Variants in CRACDL observed in about 807,000 individuals in gnomAD.
CRACDL encodes the protein CRACD-like protein.
CRACDL carries 26 observed loss-of-function variants against 70.6 expected under a neutral mutation model. The observed-to-expected ratio is 0.37, with a 90% confidence interval of 0.27 to 0.51. The LOEUF is 0.51. CRACDL is among the 20% of genes least tolerant of loss of function. The pLI is 0.94. For missense variants in CRACDL, 1,283 were observed against 1,376.9 expected (o/e 0.93, Z 1.08); for synonymous variants, 618 against 615.2 (o/e 1.00, Z -0.07).
At chr2:98,881,315 C>T (rs1399753610) in intron 1 of CRACDL, among the ~76,000 whole-genome samples, 3 of 152,154 alleles carry the variant, frequency 2.0e-5, no homozygotes, top group Non-Finnish European at 4.4e-5. Context: ...GTCGGAGATG[C>T]AGACACTCAG....
At chr2:98,827,800 C>T (rs1705371576) in intron 5 of CRACDL, among the ~76,000 whole-genome samples, 1 of 152,184 alleles carries the variant, frequency 6.6e-6, no homozygotes, top group Non-Finnish European at 1.5e-5. Flanking sequence ...TCTCAAAACA[C>T]ACCAGCCTGA....
intron 1 of CRACDL, among the ~76,000 whole-genome samples, chr2:98,910,609 A>G (rs1708524836): frequency 6.6e-6 from 1 of 152,136 alleles, no homozygotes; most frequent in Non-Finnish European, 1.5e-5. Flanking sequence ...ATCCCCCAAA[A>G]CCAGAGTCTG....
At chr2:98,855,155 C>G (rs908723583) in intron 1 of CRACDL, among the ~76,000 whole-genome samples, 1 of 152,078 alleles carries the variant, frequency 6.6e-6, no homozygotes, top group African/African-American at 2.4e-5. Flanking sequence ...TGGCGCATTC[C>G]TGTAATCCCA....
chr2:98,906,538 A>G (rs1708420186), intron 1 of CRACDL, among the ~76,000 whole-genome samples: 1 of 120,648 alleles, frequency 8.3e-6, no homozygotes, highest in African/African-American at 3.5e-5. Context: ...CTGGGATTAC[A>G]GGCGTGAGCC....
At chr2:98,903,611 G>A (rs1301421301) in intron 1 of CRACDL, among the ~76,000 whole-genome samples, 1 of 152,094 alleles carries the variant, frequency 6.6e-6, no homozygotes, top group African/African-American at 2.4e-5. Flanking sequence ...TTAAACTACT[G>A]CAAACACTTA....
chr2:98,880,801 G>A (rs1198849785), intron 1 of CRACDL, among the ~76,000 whole-genome samples: 1 of 152,198 alleles, frequency 6.6e-6, no homozygotes, highest in Non-Finnish European at 1.5e-5. Context: ...AGAGCCCCCA[G>A]CCGGGGGGCT....
chr2:98,826,912 G>GC (rs1431235837), intron 6 of CRACDL, 63 bp downstream of exon 6: 4 of 1,288,892 alleles, frequency 3.1e-6, no homozygotes, highest in African/African-American at 1.5e-5. Context: ...AGGTTGGGGG[G>GC]GGGCATAGGG....
intron 1 of CRACDL, among the ~76,000 whole-genome samples, chr2:98,915,269 C>T (rs549662688): frequency 3.3e-5 from 5 of 152,306 alleles, no homozygotes; most frequent in South Asian, 2.1e-4. Context: ...CCTTTCTACA[C>T]GGAACAGCAC....
intron 7 of CRACDL, among the ~76,000 whole-genome samples, chr2:98,818,694 A>G (rs1704897612): frequency 6.6e-6 from 1 of 152,232 alleles, no homozygotes; most frequent in East Asian, 1.9e-4. Flanking sequence ...GAGAATGATA[A>G]TAGTAGAAGT....
At chr2:98,877,256 C>A (rs1363848196) in intron 1 of CRACDL, among the ~76,000 whole-genome samples, 1 of 152,176 alleles carries the variant, frequency 6.6e-6, no homozygotes, top group African/African-American at 2.4e-5. Context: ...CAGTCATTTC[C>A]CTCTCTGGGC....
In CRACDL at chr2:98,827,187, C is replaced by T. The variant is rs753616163; in HGVS notation, c.541-18G>A. 6.3e-7 allele frequency: 1 copy of T among 1,590,122 alleles called. No homozygotes were observed. Among genetic ancestry groups the T allele is most frequent in the Non-Finnish European group, 8.6e-7 (1 of 1,159,144 alleles). On this transcript the variant is annotated intron_variant, in intron 5 of 9. Transcript: ENST00000397899. The stretch of plus-strand genomic sequence containing the variant: ...ACAGAGACCTTCGTGGGACAAGGAA[C>T]AAACACACGGAGCATGAACTTCACC...
intron 1 of CRACDL, among the ~76,000 whole-genome samples, chr2:98,914,792 C>T (rs1708629364): frequency 6.6e-6 from 1 of 152,198 alleles, no homozygotes. Flanking sequence ...GGCACAGGTC[C>T]ACTAGCACTC....
intron 1 of CRACDL, among the ~76,000 whole-genome samples, chr2:98,855,079 A>G (rs1484035938): frequency 6.6e-6 from 1 of 152,250 alleles, no homozygotes; most frequent in Non-Finnish European, 1.5e-5. Flanking sequence ...CACGAGTTCA[A>G]GACCAGCCTG....
intron 1 of CRACDL, among the ~76,000 whole-genome samples, chr2:98,927,442 G>A (rs912795752): frequency 5.3e-5 from 8 of 151,570 alleles, no homozygotes; most frequent in African/African-American, 1.9e-4. Flanking sequence ...TGAATTCTGA[G>A]TAACACAGAT....
At chr2:98,888,370 C>T (rs1707851364) in intron 1 of CRACDL, among the ~76,000 whole-genome samples, 1 of 151,978 alleles carries the variant, frequency 6.6e-6, no homozygotes, top group Non-Finnish European at 1.5e-5. Context: ...AACAACAGCA[C>T]AGAAAAGGGA....
intron 1 of CRACDL, among the ~76,000 whole-genome samples, chr2:98,932,507 G>C (rs1558645825): frequency 1.3e-5 from 2 of 152,150 alleles, no homozygotes; most frequent in Admixed American, 6.5e-5. Flanking sequence ...AAGCACACAG[G>C]GGGTTGCTCT....
chr2:98,854,279 C>CAAAAA (rs1229198569), intron 1 of CRACDL, among the ~76,000 whole-genome samples: 44 of 53,612 alleles, frequency 8.2e-4, no homozygotes, highest in Non-Finnish European at 1.2e-3. Context: ...GACTCTGTCT[C>CAAAAA]AAAAAAAAAA....
Position 98,822,122 on chromosome 2 carries a change from C to G in CRACDL, c.2151G>C (p.Arg717Ser), listed in dbSNP as rs1044574093. ...KRYSAEVRLE[R>S]SLTVLPKEEK... ...CCTCCTTCGGGAGCACGGTCAGCGA[C>G]CTTTCTAACCGGACCTCGGCACTGT... is the stretch of plus-strand genomic sequence containing the variant. Residue 717 changes from arginine to serine, a missense_variant, in exon 7 of 10, where the codon AGG (arginine) becomes AGC (serine). Transcript: ENST00000397899. This position sits in a 1 kb window ranked among gnomAD's most constrained non-coding sequence, Gnocchi z 4.9. 1.3e-6 allele frequency: 2 copies of G among 1,589,852 alleles called. No homozygotes were observed. The highest frequency in any genetic ancestry group is 2.7e-5 in the African/African-American group (2 of 74,376).
chr2:98,826,760 T>A (rs1384505761), intron 6 of CRACDL, among the ~76,000 whole-genome samples: 1 of 152,110 alleles, frequency 6.6e-6, no homozygotes, highest in Non-Finnish European at 1.5e-5. Flanking sequence ...GACGGATGGA[T>A]GAATGAATGG....
Sources: gnomAD v4.1 joint callset for allele counts (sites outside exome capture counted in the v4.1 genomes callset) on GRCh38, gnomAD v4.1.1 for gene constraint, Gnocchi (gnomAD v3.1) non-coding constraint, MANE v1.5 for transcripts, NCBI Gene and HGNC (gene_info 2026-07-23, HGNC 2026-07-21) for gene names.